The following DCDC1 variants were observed in gnomAD, a reference collection of about 807,000 sequenced individuals.
DCDC1 encodes doublecortin domain containing 1.
A neutral mutation model predicts 178.3 loss-of-function variants in DCDC1; 200 were observed. The ratio of observed to expected loss-of-function variants is 1.12; its 90% confidence interval spans 1.00 to 1.26. The LOEUF is 1.26. DCDC1 is among the 50% of genes most tolerant of loss of function. DCDC1 has a pLI of 0.00. For missense variants in DCDC1, 1,983 were observed against 1,749.2 expected, an observed-to-expected ratio of 1.13 and a Z score of -2.38; for synonymous variants, 690 against 604.8, an observed-to-expected ratio of 1.14 and a Z score of -2.07.
chr11:30,952,327 A>G, intron 21 of DCDC1, 118 bp downstream of exon 21: 1 of 854,338 alleles, frequency 1.2e-6, no homozygotes, highest in East Asian at 2.8e-5. Flanking sequence ...AGCAAGTTTG[A>G]TATCTTGCAC....
At chr11:31,332,210 G>A (rs1429250938) in intron 2 of DCDC1, among the ~76,000 whole-genome samples, 5 of 152,104 alleles carry the variant, frequency 3.3e-5, no homozygotes, top group Non-Finnish European at 7.4e-5. Flanking sequence ...GTATTTCTGT[G>A]GGATTAGTGG....
intron 3 of DCDC1, among the ~76,000 whole-genome samples, chr11:31,324,794 A>G (rs1486276244): frequency 1.3e-5 from 2 of 152,168 alleles, no homozygotes; most frequent in Non-Finnish European, 2.9e-5. Context: ...CCAAGTAAAA[A>G]GTACCCAAGA....
At position 30,892,783 on chromosome 11, in the gene DCDC1, A is replaced by G. The variant is rs376149695; in HGVS notation, c.5082+35T>C. 55 of 1,609,746 alleles carry G rather than the reference A, an allele frequency of 3.4e-5. No homozygotes were observed. In the South Asian group the frequency reaches 5.0e-4, roughly 15 times the overall value. ...AATATCAGAGCTGGGATTCAAACTC[A>G]GGCCTATGAAACACTCCTTTCACAC... On this transcript the variant is annotated intron_variant, in intron 36 of 38. Coordinates refer to ENST00000684477, the MANE Select transcript of DCDC1 (RefSeq NM_001387274.1).
intron 20 of DCDC1, among the ~76,000 whole-genome samples, chr11:31,050,390 G>T (rs1955162247): frequency 6.6e-6 from 1 of 152,088 alleles, no homozygotes; most frequent in African/African-American, 2.4e-5. Context: ...GCCTACCCCT[G>T]CCCCCACCTG....
intron 20 of DCDC1, among the ~76,000 whole-genome samples, chr11:30,999,803 C>A (rs1040955496): frequency 6.6e-6 from 1 of 151,890 alleles, no homozygotes; most frequent in African/African-American, 2.4e-5. Context: ...AAAATATATA[C>A]CAAAAATACA....
intron 20 of DCDC1, among the ~76,000 whole-genome samples, chr11:31,007,206 G>T (rs999256345): frequency 6.6e-6 from 1 of 152,216 alleles, no homozygotes; most frequent in Non-Finnish European, 1.5e-5. Context: ...AAGGAATTGA[G>T]ATATGGGACA....
chr11:31,295,741 CT>C (rs1156588249), intron 6 of DCDC1, among the ~76,000 whole-genome samples: 1 of 152,138 alleles, frequency 6.6e-6, no homozygotes, highest in Non-Finnish European at 1.5e-5. Context: ...AGAGTATTCC[CT>C]CAACAAGTCT....
intron 20 of DCDC1, 63 bp downstream of exon 20, chr11:31,064,405 AT>A (rs1204152497): frequency 1.5e-6 from 1 of 673,260 alleles, no homozygotes; most frequent in Non-Finnish European, 2.7e-6. Context: ...TCAATCTTAC[AT>A]GAAACTGAAG....
chr11:31,018,917 C>A (rs942993722), intron 20 of DCDC1, among the ~76,000 whole-genome samples: 4 of 151,788 alleles, frequency 2.6e-5, no homozygotes, highest in Non-Finnish European at 5.9e-5. Context: ...AAAGGCCATG[C>A]TGAAATGGAA....
chr11:31,130,189 C>CTT (rs1962247079), intron 10 of DCDC1, among the ~76,000 whole-genome samples: 1 of 152,114 alleles, frequency 6.6e-6, no homozygotes, highest in Non-Finnish European at 1.5e-5. Flanking sequence ...TCATCAGAAA[C>CTT]CCCACTTCCT....
chr11:30,993,093 A>G (rs936323252), intron 20 of DCDC1, among the ~76,000 whole-genome samples: 8 of 152,122 alleles, frequency 5.3e-5, no homozygotes, highest in African/African-American at 1.9e-4. Context: ...AAAATTATAT[A>G]AAAATTACTT....
At chr11:31,198,834 TG>T (rs568569491) in intron 9 of DCDC1, among the ~76,000 whole-genome samples, 1 of 152,090 alleles carries the variant, frequency 6.6e-6, no homozygotes, top group South Asian at 2.1e-4. Flanking sequence ...GAAATGTTTC[TG>T]AACTTACAGT....
chr11:31,172,388 T>G (rs208087), intron 9 of DCDC1, among the ~76,000 whole-genome samples: 85,743 of 151,932 alleles, frequency 0.56, 25,135 homozygotes, highest in East Asian at 0.93. Context: ...CATTTATTTT[T>G]TAATTGATGA....
intron 9 of DCDC1, among the ~76,000 whole-genome samples, chr11:31,163,318 G>C (rs1156943018): frequency 1.3e-5 from 2 of 152,088 alleles, no homozygotes; most frequent in African/African-American, 4.8e-5. Flanking sequence ...AATCAATGTG[G>C]TGAATGTGGT....
intron 1 of DCDC1, among the ~76,000 whole-genome samples, chr11:31,347,362 C>A (rs1304592292): frequency 6.6e-6 from 1 of 152,058 alleles, no homozygotes; most frequent in African/African-American, 2.4e-5. Flanking sequence ...TAGTGATGAT[C>A]AATGCATTAG....
At chr11:30,865,874 C>G (rs1233805992) in intron 38 of DCDC1, among the ~76,000 whole-genome samples, 5 of 151,966 alleles carry the variant, frequency 3.3e-5, no homozygotes, top group Non-Finnish European at 7.4e-5. Context: ...TGGTAGGGCA[C>G]TTGTGCTATG....
At chr11:31,303,834 C>T (rs1948283602) in intron 6 of DCDC1, among the ~76,000 whole-genome samples, 1 of 152,082 alleles carries the variant, frequency 6.6e-6, no homozygotes, top group African/African-American at 2.4e-5. Flanking sequence ...CATCTGCCAC[C>T]TGCTCTACTC....
At chr11:31,190,057 T>C (rs780435546) in intron 9 of DCDC1, among the ~76,000 whole-genome samples, 2 of 152,182 alleles carry the variant, frequency 1.3e-5, no homozygotes, top group African/African-American at 2.4e-5. Flanking sequence ...GTTGGAAATA[T>C]TGAACCACTA....
intron 2 of DCDC1, among the ~76,000 whole-genome samples, chr11:31,330,469 G>T (rs1949912329): frequency 6.6e-6 from 1 of 152,108 alleles, no homozygotes; most frequent in East Asian, 1.9e-4. Flanking sequence ...TGAAGTCCTT[G>T]CCCATGCCTA....
Sources: allele counts gnomAD v4.1 joint callset (sites outside exome capture counted in the v4.1 genomes callset), GRCh38; gene constraint gnomAD v4.1.1; transcripts MANE v1.5; gene names NCBI Gene and HGNC (gene_info 2026-07-23, HGNC 2026-07-21).